Variants in CCDC85C observed in about 807,000 individuals in gnomAD.
The protein encoded by CCDC85C is coiled-coil domain containing 85C, also known as coiled-coil domain-containing protein 85C.
In CCDC85C, 18 loss-of-function variants were observed where a neutral mutation model predicts 38.3. That is an observed-to-expected ratio of 0.47 (90% CI 0.33 to 0.70). The LOEUF (loss-of-function observed/expected upper bound fraction) is 0.70, where lower values mean the gene tolerates loss of function less well. Among genes scored for constraint, CCDC85C ranks in the 30% least tolerant of loss-of-function variants. The probability of loss-of-function intolerance (pLI) is 0.03; values close to 1 mark genes in which losing one functional copy is unlikely to be tolerated. For missense variants in CCDC85C, 566 were observed against 621.2 expected, an observed-to-expected ratio of 0.91 and a Z score of 0.94; for synonymous variants, 264 against 293.8, an observed-to-expected ratio of 0.90 and a Z score of 1.04.
chr14:99,577,990 TTG>T (rs891587844), intron 1 of CCDC85C, among the ~76,000 whole-genome samples: 1 of 138,410 alleles, frequency 7.2e-6, no homozygotes, highest in Non-Finnish European at 1.6e-5. Flanking sequence ...ATCGGTGTGT[TTG>T]TGTGTGTGAG....
Position 99,575,590 on chromosome 14 carries a change from G to C in CCDC85C, c.793+27577C>G, listed in dbSNP as rs75461326. 4.2e-3 allele frequency among the ~76,000 whole-genome samples: 635 copies of C among 152,324 alleles called. 3 individuals are homozygous for C. Among genetic ancestry groups the C allele is most frequent in the African/African-American group, 0.014 (602 of 41,572 alleles). On this transcript the variant is annotated intron_variant, in intron 1 of 5. Transcript: ENST00000380243. ...TTTCTTCCCCTTAAATGGACAACAGGGTGGCAGCCCTGTATGTCCCACCTG... is the reference window on the plus strand; with the variant it reads ...TTTCTTCCCCTTAAATGGACAACAGCGTGGCAGCCCTGTATGTCCCACCTG...
At position 99,516,515 on chromosome 14, in the gene CCDC85C, G is replaced by A. The variant is rs1218668567; in HGVS notation, c.1072-229C>T. On this transcript the variant is annotated intron_variant, in intron 4 of 5. Transcript: ENST00000380243. This position sits in a 1 kb window ranked among gnomAD's most constrained non-coding sequence, Gnocchi z 5.5. ...CAGCTCATGGCTGGGCCACCCGGGA[G>A]GAAGTAGACAGGCTGGGCAAGGAAG... 1.3e-5 allele frequency among the ~76,000 whole-genome samples: 2 copies of A among 152,206 alleles called. No homozygotes were observed. Among genetic ancestry groups the A allele is most frequent in the Non-Finnish European group, 2.9e-5 (2 of 68,038 alleles).
chr14:99,588,380 G>T lies in CCDC85C; in HGVS notation c.793+14787C>A, dbSNP rs2055049557. Among the ~76,000 whole-genome samples, 1 of 152,072 alleles carries T rather than the reference G, an allele frequency of 6.6e-6. No homozygotes were observed. Among genetic ancestry groups the T allele is most frequent in the African/African-American group, 2.4e-5 (1 of 41,426 alleles). ...CTCCTCACCCCAGGCCCCGCCGGGT[G>T]CTCCTAAGCCTGCTGTTTCCAGATG... On this transcript the variant is annotated intron_variant, in intron 1 of 5. Transcript: ENST00000380243. This position sits in a 1 kb window ranked among gnomAD's most constrained non-coding sequence, Gnocchi z 5.0.
chr14:99,574,582 G>T (rs989705185), intron 1 of CCDC85C, among the ~76,000 whole-genome samples: 1 of 152,200 alleles, frequency 6.6e-6, no homozygotes, highest in African/African-American at 2.4e-5. Context: ...CTGTGAGGAG[G>T]GGAGGCAGGG....
rs1898056896 is a variant in CCDC85C at position 99,558,698 on chromosome 14, C to G, written c.794-22610G>C. On this transcript the variant is annotated intron_variant, in intron 1 of 5. Coordinates refer to ENST00000380243, the MANE Select transcript of CCDC85C (RefSeq NM_001144995.2). This position sits in a 1 kb window ranked among gnomAD's most constrained non-coding sequence, Gnocchi z 4.2. ...AGAGACAGAAAAGGGCAAATGGAAACAGAGGAGGCCGGATGGAAAGAAAGG... is the reference window on the plus strand; with the variant it reads ...AGAGACAGAAAAGGGCAAATGGAAAGAGAGGAGGCCGGATGGAAAGAAAGG... Among the ~76,000 whole-genome samples the G allele has an allele frequency of 6.6e-6, 1 of 152,250 alleles. No homozygotes were observed. The highest frequency in any genetic ancestry group is 2.4e-5 in the African/African-American group (1 of 41,556).
chr14:99,536,825 A>G (rs1006707859), intron 1 of CCDC85C, among the ~76,000 whole-genome samples: 9 of 152,166 alleles, frequency 5.9e-5, no homozygotes, highest in Admixed American at 1.3e-4. Flanking sequence ...CCTGCTTTCC[A>G]GTCACATCAG....
At chr14:99,534,998 C>A (rs1595347653) in intron 2 of CCDC85C, 1 of 424,142 alleles carries the variant, frequency 2.4e-6, no homozygotes, top group Non-Finnish European at 4.3e-6. Context: ...GCCCTGGGAA[C>A]CTTCCCCACA....
Position 99,502,513 on chromosome 14 carries a change from T to C in CCDC85C, c.*12733A>G. 1.5e-6 allele frequency: 2 copies of C among 1,368,352 alleles called. No individual in the cohort carries two copies. The highest frequency in any genetic ancestry group is 2.0e-6 in the Non-Finnish European group (2 of 1,022,576). The allele number at this position is 1,368,352 out of a possible 1,614,324, so 84.8% of individuals were successfully genotyped here. On this transcript the variant is annotated 3_prime_UTR_variant, in exon 6 of 6. Coordinates refer to ENST00000380243, the MANE Select transcript of CCDC85C (RefSeq NM_001144995.2). ...ATTTCAGAAGCATCATTAATTAAAT[T>C]ATCTAATAGTTTCCACTTTGTCCAA... is the stretch of plus-strand genomic sequence containing the variant.
rs1897283048 is a variant in CCDC85C, at chr14:99,520,221, C to T, written c.975+1912G>A. Among the ~76,000 whole-genome samples, 1 of 152,166 alleles carries T rather than the reference C, an allele frequency of 6.6e-6. No individual in the cohort carries two copies. Among genetic ancestry groups the T allele is most frequent in the South Asian group, 2.1e-4 (1 of 4,836 alleles). On this transcript the variant is annotated intron_variant, in intron 3 of 5. Transcript: ENST00000380243. The surrounding 1 kb of genome is among the most constrained non-coding windows in gnomAD (Gnocchi z 4.1). Reference sequence around the variant, plus strand: ...CCTGGGTCTGGAAGGGCCTGTGTGCCAGGCAGTGTCTGAGCCCGGAGACGG... The same window carrying T: ...CCTGGGTCTGGAAGGGCCTGTGTGCTAGGCAGTGTCTGAGCCCGGAGACGG...
intron 1 of CCDC85C, among the ~76,000 whole-genome samples, chr14:99,537,132 A>G (rs1897618711): frequency 6.6e-6 from 1 of 152,190 alleles, no homozygotes; most frequent in Admixed American, 6.5e-5. Flanking sequence ...TCTCTCGCAG[A>G]GATCACCTGG....
chr14:99,580,897 C>G (rs551830141), intron 1 of CCDC85C, among the ~76,000 whole-genome samples: 1 of 152,290 alleles, frequency 6.6e-6, no homozygotes, highest in South Asian at 2.1e-4. Context: ...TGTTCATCTT[C>G]TTCCAGAAGA....
intron 1 of CCDC85C, among the ~76,000 whole-genome samples, chr14:99,567,990 C>A (rs75073043): frequency 2.0e-5 from 3 of 152,092 alleles, no homozygotes; most frequent in Non-Finnish European, 4.4e-5. Flanking sequence ...GACTGCCCCC[C>A]ACTCCCACCC....
chr14:99,507,068 C>A lies in CCDC85C; in HGVS notation c.*8178G>T. The A allele has an allele frequency of 6.3e-7, 1 of 1,588,370 alleles. No homozygotes were observed. Among genetic ancestry groups the A allele is most frequent in the South Asian group, 1.1e-5 (1 of 90,534 alleles). The stretch of plus-strand genomic sequence containing the variant: ...TGAGTGGTTTTCTAATCTGCTTTTT[C>A]TTTGTAGAACCACCACCACCTAAAA... On this transcript the variant is annotated 3_prime_UTR_variant, in exon 6 of 6. Transcript: ENST00000380243.
rs1174510606 is a variant in CCDC85C, at chr14:99,501,982, ATTC to A, written c.*13261_*13263del. The stretch of plus-strand genomic sequence containing the variant: ...TGTAGCAATTTTTGGATGTGCTAGA[ATTC>A]TTCTGATTCTTTAAGGAATAGAGAA... On this transcript the variant is annotated 3_prime_UTR_variant, in exon 6 of 6. Coordinates refer to ENST00000380243, the MANE Select transcript of CCDC85C (RefSeq NM_001144995.2). 4.8e-6 allele frequency: 2 copies of A among 416,754 alleles called. No individual in the cohort carries two copies. Among genetic ancestry groups the A allele is most frequent in the East Asian group, 4.5e-5 (1 of 22,244 alleles). 25.8% of individuals were successfully genotyped at this position (416,754 alleles called of 1,614,324 possible).
In CCDC85C at chr14:99,503,756, T is replaced by C. The variant is rs897716013; in HGVS notation, c.*11490A>G. 1 of 892,914 alleles carries C rather than the reference T, an allele frequency of 1.1e-6. No individual in the cohort carries two copies. Among genetic ancestry groups the C allele is most frequent in the Non-Finnish European group, 1.7e-6 (1 of 579,708 alleles). The allele number at this position is 892,914 out of a possible 1,614,324, so 55.3% of individuals were successfully genotyped here. On this transcript the variant is annotated 3_prime_UTR_variant, in exon 6 of 6. Transcript: ENST00000380243. ...CTAAATTGGCCTTAAATCTTAACTTTAGAGCTCATACAAAACTTTTCCATC... is the reference window on the plus strand; with the variant it reads ...CTAAATTGGCCTTAAATCTTAACTTCAGAGCTCATACAAAACTTTTCCATC...
chr14:99,544,082 A>G lies in CCDC85C; in HGVS notation c.794-7994T>C, dbSNP rs956125104. Among the ~76,000 whole-genome samples, 2 of 152,230 alleles carry G rather than the reference A, an allele frequency of 1.3e-5. No individual in the cohort carries two copies. Among genetic ancestry groups the G allele is most frequent in the Non-Finnish European group, 2.9e-5 (2 of 68,038 alleles). On this transcript the variant is annotated intron_variant, in intron 1 of 5. Transcript: ENST00000380243. The surrounding 1 kb of genome is among the most constrained non-coding windows in gnomAD (Gnocchi z 5.3). ...GTTTGCTGAGTACCCACCATATGCC[A>G]GCACACACGGAGCACAACCCCATCA...
rs1034380445 is a variant in CCDC85C, at chr14:99,558,260, G to A, written c.794-22172C>T. Among the ~76,000 whole-genome samples the A allele has an allele frequency of 2.6e-5, 4 of 152,188 alleles. No individual in the cohort carries two copies. Among genetic ancestry groups the A allele is most frequent in the African/African-American group, 7.2e-5 (3 of 41,448 alleles). On this transcript the variant is annotated intron_variant, in intron 1 of 5. Transcript: ENST00000380243. The surrounding 1 kb of genome is among the most constrained non-coding windows in gnomAD (Gnocchi z 4.2). ...TCCCTGCCACCTACCGTAGCAAGCC[G>A]AGCAGTGTCCTTCCAAATTCATGTC...
intron 2 of CCDC85C, among the ~76,000 whole-genome samples, chr14:99,525,186 C>T (rs1217468958): frequency 6.6e-6 from 1 of 152,190 alleles, no homozygotes; most frequent in Non-Finnish European, 1.5e-5. Flanking sequence ...CAACACTGCC[C>T]AACTCAGGGC....
chr14:99,589,469 T>C (rs1343909806), intron 1 of CCDC85C, among the ~76,000 whole-genome samples: 1 of 152,190 alleles, frequency 6.6e-6, no homozygotes, highest in African/African-American at 2.4e-5. Flanking sequence ...GAACGTGCAT[T>C]CAGTTGATCT....
Sources: allele counts gnomAD v4.1 joint callset (sites outside exome capture counted in the v4.1 genomes callset), GRCh38; gene constraint gnomAD v4.1.1; non-coding constraint Gnocchi (gnomAD v3.1); transcripts MANE v1.5; gene names NCBI Gene and HGNC (gene_info 2026-07-23, HGNC 2026-07-21).